The following VWA5B1 variants were observed in gnomAD, a reference collection of about 807,000 sequenced individuals.
VWA5B1 encodes von Willebrand factor A domain-containing protein 5B1.
In VWA5B1, 115 loss-of-function variants were observed where a neutral mutation model predicts 118.2. That is an observed-to-expected ratio of 0.97 (90% confidence interval 0.84 to 1.14). The LOEUF is 1.14. Ranked by LOEUF, VWA5B1 falls within the 50% of genes most tolerant of loss-of-function variation. The probability of loss-of-function intolerance (pLI) is 0.00; values close to 1 mark genes in which losing one functional copy is unlikely to be tolerated. For synonymous variants in VWA5B1, 682 were observed against 658.4 expected (o/e 1.04, Z -0.55); for missense variants, 1,596 against 1,603.8 (o/e 1.00, Z 0.08).
chr1:20,357,699 C>T lies in VWA5B1; in HGVS notation c.*3436C>T, dbSNP rs899497657. Among the ~76,000 whole-genome samples, 4 of 152,168 alleles carry T rather than the reference C, an allele frequency of 2.6e-5. No homozygotes were observed. The highest frequency in any genetic ancestry group is 9.7e-5 in the African/African-American group (4 of 41,448). ...GTCTCTGTTTCATGAATCATTTTCC[C>T]ACTCCTTGGTTCTCTAGGTGGGTTT... On this transcript the variant is annotated 3_prime_UTR_variant, in exon 22 of 22. Coordinates refer to ENST00000289815, the MANE Select transcript of VWA5B1 (RefSeq NM_001039500.3).
At position 20,355,082 on chromosome 1, in the gene VWA5B1, C is replaced by T. The variant is rs1178897249; in HGVS notation, c.*819C>T. Among the ~76,000 whole-genome samples the T allele has an allele frequency of 6.6e-6, 1 of 152,160 alleles. No homozygotes were observed. Among genetic ancestry groups the T allele is most frequent in the Non-Finnish European group, 1.5e-5 (1 of 68,036 alleles). Reference sequence around the variant, plus strand: ...TGGTCACAGAAGTCAATGAAGACACCAGACAACACCTTACTTAATTTTCCC... The same window carrying T: ...TGGTCACAGAAGTCAATGAAGACACTAGACAACACCTTACTTAATTTTCCC... On this transcript the variant is annotated 3_prime_UTR_variant, in exon 22 of 22. Coordinates refer to ENST00000289815, the MANE Select transcript of VWA5B1 (RefSeq NM_001039500.3).
chr1:20,354,586 C>T lies in VWA5B1; in HGVS notation c.*323C>T, dbSNP rs574578381. ...CATTCAGGCAGTCCCGGGCTGACTG[C>T]TGCTGGGGCTGGCGAGGGAAGATGC... is the stretch of plus-strand genomic sequence containing the variant. On this transcript the variant is annotated 3_prime_UTR_variant, in exon 22 of 22. Transcript: ENST00000289815. 23 of 317,768 alleles carry T rather than the reference C, an allele frequency of 7.2e-5. No individual in the cohort carries two copies. In the South Asian group the frequency reaches 9.1e-4, roughly 13 times the overall value. The allele number at this position is 317,768 out of a possible 1,614,324, so 19.7% of individuals were successfully genotyped here.
intron 1 of VWA5B1, among the ~76,000 whole-genome samples, chr1:20,307,177 C>A (rs1319678120): frequency 1.3e-5 from 2 of 152,216 alleles, no homozygotes; most frequent in South Asian, 2.1e-4. Context: ...ACTTGACAAG[C>A]CCCACTCACA....
rs1437238850 is a variant in VWA5B1, at chr1:20,358,565, G to A, written c.*4302G>A. Among the ~76,000 whole-genome samples the A allele has an allele frequency of 3.3e-5, 5 of 152,116 alleles. No homozygotes were observed. The highest frequency in any genetic ancestry group is 1.2e-4 in the African/African-American group (5 of 41,410). On this transcript the variant is annotated 3_prime_UTR_variant, in exon 22 of 22. Coordinates refer to ENST00000289815, the MANE Select transcript of VWA5B1 (RefSeq NM_001039500.3). ...TGACACCCCAGCACCTATCATTCAG[G>A]GGTCCAAATGCCCAAATGCACATCT...
At chr1:20,323,257 C>A in intron 7 of VWA5B1, 99 bp from the exon 8 acceptor site, 3 of 1,168,820 alleles carry the variant, frequency 2.6e-6, no homozygotes, top group Non-Finnish European at 3.3e-6. Flanking sequence ...AGAGCCTGAG[C>A]AGGATGTGGG....
rs1315579143 is a variant in VWA5B1, at chr1:20,332,893, G to A, written c.1700G>A (p.Arg567Gln). 1.8e-5 allele frequency: 28 copies of A among 1,551,740 alleles called. No homozygotes were observed. The highest frequency in any genetic ancestry group is 1.6e-5 in the Non-Finnish European group (18 of 1,147,032). The change falls in exon 12 of 22, where the codon CGG becomes CAG. Residue 567 changes from arginine (R) to glutamine (Q), a missense_variant. Arg to Gln is a conservative substitution (Grantham distance 43). Transcript: ENST00000289815. ...VSASSLFPGE[R>Q]LVGYGIVCDA... Reference sequence around the variant, plus strand: ...GCCAGCTCCCTCTTCCCTGGAGAACGGCTGGTGGGGTATGGCATTGTATGT... The same window carrying A: ...GCCAGCTCCCTCTTCCCTGGAGAACAGCTGGTGGGGTATGGCATTGTATGT...
chr1:20,312,235 C>T (rs1163935053), intron 2 of VWA5B1, among the ~76,000 whole-genome samples: 2 of 152,198 alleles, frequency 1.3e-5, no homozygotes, highest in Non-Finnish European at 2.9e-5. Context: ...AATCCAAGGT[C>T]ATTCGTGAGC....
At chr1:20,308,111 C>G (rs752296419) in intron 1 of VWA5B1, among the ~76,000 whole-genome samples, 7 of 152,204 alleles carry the variant, frequency 4.6e-5, no homozygotes, top group Non-Finnish European at 8.8e-5. Flanking sequence ...CTCTCACTTA[C>G]AAGTGAGAAC....
chr1:20,346,239 A>G (rs967074545), intron 17 of VWA5B1, among the ~76,000 whole-genome samples: 4 of 152,200 alleles, frequency 2.6e-5, no homozygotes, highest in African/African-American at 7.2e-5. Context: ...TCTACAAAGT[A>G]GACGCTATTA....
intron 1 of VWA5B1, among the ~76,000 whole-genome samples, chr1:20,295,719 C>T (rs2088393958): frequency 6.6e-6 from 1 of 152,170 alleles, no homozygotes; most frequent in East Asian, 1.9e-4. Flanking sequence ...GGTCCCAACC[C>T]AGCCTAGAAT....
At chr1:20,345,158 G>A (rs1056210247) in intron 16 of VWA5B1, among the ~76,000 whole-genome samples, 1 of 152,226 alleles carries the variant, frequency 6.6e-6, no homozygotes, top group Non-Finnish European at 1.5e-5. Flanking sequence ...AGTGGGTTGG[G>A]TGTTTTTAAA....
At chr1:20,348,462 A>G in intron 18 of VWA5B1, 104 bp downstream of exon 18, 1 of 1,213,000 alleles carries the variant, frequency 8.2e-7, no homozygotes, top group Non-Finnish European at 1.2e-6. Flanking sequence ...CCACTCTCTG[A>G]GTCTGCACTG....
chr1:20,330,775 A>T (rs2089527725), intron 10 of VWA5B1, 94 bp from the exon 11 acceptor site: 1 of 1,285,968 alleles, frequency 7.8e-7, no homozygotes, highest in Non-Finnish European at 1.1e-6. Context: ...CAGCTCCAAG[A>T]TCCTGCCAGA....
At chr1:20,310,427 G>C in intron 1 of VWA5B1, 149 bp from the exon 2 acceptor site, 1 of 728,982 alleles carries the variant, frequency 1.4e-6, no homozygotes, top group Non-Finnish European at 2.1e-6. Context: ...GTTATCCTGC[G>C]GTCACTTCCT....
At chr1:20,306,772 G>T (rs1488335585) in intron 1 of VWA5B1, among the ~76,000 whole-genome samples, 1 of 152,116 alleles carries the variant, frequency 6.6e-6, no homozygotes, top group Non-Finnish European at 1.5e-5. Context: ...GGCACACCAG[G>T]AACCTCTCTA....
At chr1:20,307,929 G>T (rs2088711328) in intron 1 of VWA5B1, among the ~76,000 whole-genome samples, 1 of 151,748 alleles carries the variant, frequency 6.6e-6, no homozygotes, top group African/African-American at 2.4e-5. Flanking sequence ...TTGTTACATG[G>T]ATATGTTGCA....
chr1:20,342,148 G>A (rs904651402), intron 14 of VWA5B1, among the ~76,000 whole-genome samples: 1 of 150,588 alleles, frequency 6.6e-6, no homozygotes, highest in Non-Finnish European at 1.5e-5. Flanking sequence ...AAAAAAAGTG[G>A]GTTTGGAATT....
At position 20,350,384 on chromosome 1, in the gene VWA5B1, A is replaced by G. The variant is rs547728288; in HGVS notation, c.2953+154A>G. On this transcript the variant is annotated intron_variant, in intron 19 of 21. Coordinates refer to ENST00000289815, the MANE Select transcript of VWA5B1 (RefSeq NM_001039500.3). ...GGGGAATAGGATTATCCCCAATTGA[A>G]AGATGAGGAACAGGTGCAAAGAGGT... is the stretch of plus-strand genomic sequence containing the variant. Among the ~76,000 whole-genome samples the G allele has an allele frequency of 6.6e-5, 10 of 152,294 alleles. No homozygotes were observed. In the South Asian group the frequency reaches 2.1e-3, roughly 32 times the overall value.
Position 20,314,601 on chromosome 1 carries a change from G to A in VWA5B1, c.563+9G>A. The A allele has an allele frequency of 6.5e-7, 1 of 1,550,074 alleles. No individual in the cohort carries two copies. Among genetic ancestry groups the A allele is most frequent in the Non-Finnish European group, 8.7e-7 (1 of 1,146,136 alleles). ...AACCAACAGGCCCAGGGGTAAGGAA[G>A]CCCTGCCCAGACCAATCAGAGTCCC... On this transcript the variant is annotated intron_variant, in intron 4 of 21. Coordinates refer to ENST00000289815, the MANE Select transcript of VWA5B1 (RefSeq NM_001039500.3).
Sources: gnomAD v4.1 joint callset for allele counts (sites outside exome capture counted in the v4.1 genomes callset) on GRCh38, gnomAD v4.1.1 for gene constraint, MANE v1.5 for transcripts, NCBI Gene and HGNC (gene_info 2026-07-23, HGNC 2026-07-21) for gene names.